The following TSPYL6 variants were observed in gnomAD, a reference collection of about 807,000 sequenced individuals.
TSPYL6 encodes TSPY like 6.
For synonymous variants in TSPYL6, 259 were observed against 214.8 expected, an observed-to-expected ratio of 1.21 and a Z score of -1.80; for missense variants, 699 against 531.5, an observed-to-expected ratio of 1.32 and a Z score of -3.10.
At position 54,255,671 on chromosome 2, in the gene TSPYL6, G is replaced by T; in HGVS notation, c.481C>A (p.Pro161Thr). ...TCGCCTCCTGGCTTCTCATCCACTGGGGCTGAGAACATGGCACACTCCTCA... is the reference window on the plus strand; with the variant it reads ...TCGCCTCCTGGCTTCTCATCCACTGTGGCTGAGAACATGGCACACTCCTCA... ...KPEECAMFSAPVDEKPGGEEM... is the reference protein window; with the variant it reads ...KPEECAMFSATVDEKPGGEEM... Residue 161 changes from proline (P) to threonine (T), a missense_variant, in exon 1 of 1, where the codon CCA (proline) becomes ACA (threonine). Pro to Thr is a conservative substitution (Grantham distance 38). Coordinates refer to ENST00000317802, the MANE Select transcript of TSPYL6 (RefSeq NM_001003937.3). The T allele has an allele frequency of 6.2e-7, 1 of 1,613,696 alleles. No individual in the cohort carries two copies.
At position 54,255,235 on chromosome 2, in the gene TSPYL6, T is replaced by C. The variant is rs1474159457; in HGVS notation, c.917A>G (p.Asn306Ser). The C allele has an allele frequency of 1.9e-6, 3 of 1,614,084 alleles. No homozygotes were observed. The highest frequency in any genetic ancestry group is 2.5e-6 in the Non-Finnish European group (3 of 1,180,048). Reference sequence around the variant, plus strand: ...CTCATACACCTTTACAATCAGCTTGTTTCTGAAGTAAGGGTTTCTTTGAAA... The same window carrying C: ...CTCATACACCTTTACAATCAGCTTGCTTCTGAAGTAAGGGTTTCTTTGAAA... ...FFFQRNPYFR[N>S]KLIVKVYEVR... Residue 306 changes from asparagine to serine, a missense_variant, in exon 1 of 1, where the codon AAC (asparagine) becomes AGC (serine). Coordinates refer to ENST00000317802, the MANE Select transcript of TSPYL6 (RefSeq NM_001003937.3).
chr2:54,255,189 C>G lies in TSPYL6; in HGVS notation c.963G>C (p.Val321=). ...ACATGATTAGAGTGGAAAAAGACAC[C>G]ACTTGGCCGAAGGATCTGACCTCAT... ...KVYEVRSFGQ[V]VSFSTLIMWR... is the part of the protein sequence containing the mutation. The change falls in exon 1 of 1, where the codon GTG becomes GTC. Residue 321 remains valine (V), a synonymous_variant. Coordinates refer to ENST00000317802, the MANE Select transcript of TSPYL6 (RefSeq NM_001003937.3). 6.2e-7 allele frequency: 1 copy of G among 1,614,202 alleles called. No individual in the cohort carries two copies. Among genetic ancestry groups the G allele is most frequent in the Non-Finnish European group, 8.5e-7 (1 of 1,180,050 alleles).
Position 54,256,203 on chromosome 2 carries a change from G to A in TSPYL6, c.-52C>T. On this transcript the variant is annotated 5_prime_UTR_variant, in exon 1 of 1. Coordinates refer to ENST00000317802, the MANE Select transcript of TSPYL6 (RefSeq NM_001003937.3). Reference sequence around the variant, plus strand: ...GTAGAGGCCAGGCCAGAGGTAGGTAGCGTCAACGTTCCTCACACAAAATGG... The same window carrying A: ...GTAGAGGCCAGGCCAGAGGTAGGTAACGTCAACGTTCCTCACACAAAATGG... 6.5e-7 allele frequency: 1 copy of A among 1,541,728 alleles called. No homozygotes were observed.
At position 54,254,975 on chromosome 2, in the gene TSPYL6, G is replaced by T. The variant is rs763659704; in HGVS notation, c.1177C>A (p.Arg393Ser). The T allele has an allele frequency of 1.2e-6, 2 of 1,613,930 alleles. No homozygotes were observed. Among genetic ancestry groups the T allele is most frequent in the Non-Finnish European group, 1.7e-6 (2 of 1,179,996 alleles). Reference protein sequence around the residue: ...LGEDAHRARRRLVREPVEIPR... With the variant: ...LGEDAHRARRSLVREPVEIPR... ...ATCTCCACTGGCTCCCTTACCAGGCGACGTCTAGCTCTATGGGCGTCTTCA... is the reference window on the plus strand; with the variant it reads ...ATCTCCACTGGCTCCCTTACCAGGCTACGTCTAGCTCTATGGGCGTCTTCA... Residue 393 changes from arginine to serine, a missense_variant, in exon 1 of 1, where the codon CGC becomes AGC. Arg to Ser is a moderately radical substitution (Grantham distance 110, BLOSUM62 -1). Coordinates refer to ENST00000317802, the MANE Select transcript of TSPYL6 (RefSeq NM_001003937.3).
Position 54,256,160 on chromosome 2 carries a change from C to T in TSPYL6, c.-9G>A, listed in dbSNP as rs1308888817. 16 of 1,605,276 alleles carry T rather than the reference C, an allele frequency of 1.0e-5. No individual in the cohort carries two copies. Among genetic ancestry groups the T allele is most frequent in the East Asian group, 2.2e-5 (1 of 44,794 alleles). On this transcript the variant is annotated 5_prime_UTR_variant, in exon 1 of 1. Transcript: ENST00000317802. ...CTCTCCGGGAGGCTCATGTTGGTAG[C>T]GGCCAGGGCAGCAGTGGGTAGAGGC...
chr2:54,255,234 G>A lies in TSPYL6; in HGVS notation c.918C>T (p.Asn306=), dbSNP rs1245768770. Residue 306 remains asparagine (N), a synonymous_variant, in exon 1 of 1, where the codon AAC becomes AAT. Transcript: ENST00000317802. ...CCTCATACACCTTTACAATCAGCTT[G>A]TTTCTGAAGTAAGGGTTTCTTTGAA... ...FFFQRNPYFR[N]KLIVKVYEVR... is the part of the protein sequence containing the mutation. The A allele has an allele frequency of 1.9e-6, 3 of 1,614,052 alleles. No individual in the cohort carries two copies. Among genetic ancestry groups the A allele is most frequent in the Middle Eastern group, 1.6e-4 (1 of 6,084 alleles).
At position 54,256,179 on chromosome 2, in the gene TSPYL6, T is replaced by G. The variant is rs765881472; in HGVS notation, c.-28A>C. 9.7e-5 allele frequency: 155 copies of G among 1,590,362 alleles called. No homozygotes were observed. The highest frequency in any genetic ancestry group is 1.2e-4 in the Non-Finnish European group (135 of 1,167,202). On this transcript the variant is annotated 5_prime_UTR_variant, in exon 1 of 1. Coordinates refer to ENST00000317802, the MANE Select transcript of TSPYL6 (RefSeq NM_001003937.3). ...TGGTAGCGGCCAGGGCAGCAGTGGG[T>G]AGAGGCCAGGCCAGAGGTAGGTAGC...
Position 54,255,613 on chromosome 2 carries a change from A to C in TSPYL6, c.539T>G (p.Ile180Arg). The C allele has an allele frequency of 1.2e-6, 2 of 1,612,636 alleles. No homozygotes were observed. Among genetic ancestry groups the C allele is most frequent in the Non-Finnish European group, 1.7e-6 (2 of 1,179,714 alleles). Residue 180 changes from isoleucine (I) to arginine (R), a missense_variant, in exon 1 of 1, where the codon ATA (isoleucine) becomes AGA (arginine). Physicochemically the swap from Ile to Arg is moderately conservative, Grantham distance 97. Transcript: ENST00000317802. ...EMDVAEENRAIDEVNREAGPG... is the reference protein window; with the variant it reads ...EMDVAEENRARDEVNREAGPG... Reference sequence around the variant, plus strand: ...CCCTGCCTCCCTGTTTACCTCATCTATTGCTCTGTTTTCTTCCGCCACGTC... The same window carrying C: ...CCCTGCCTCCCTGTTTACCTCATCTCTTGCTCTGTTTTCTTCCGCCACGTC...
rs756709256 is a variant in TSPYL6 at position 54,255,318 on chromosome 2, G to T, written c.834C>A (p.Thr278=). 6.2e-7 allele frequency: 1 copy of T among 1,614,104 alleles called. No individual in the cohort carries two copies. The highest frequency in any genetic ancestry group is 2.2e-5 in the East Asian group (1 of 44,872). ...GQDAEMLSYL[T]NLEVKELRHP... ...GTCTGAGCTCCTTCACTTCCAAATT[G>T]GTTAAGTAGCTTAACATCTCGGCAT... Residue 278 remains threonine, a synonymous_variant, in exon 1 of 1, where the codon ACC becomes ACA. Transcript: ENST00000317802.
chr2:54,254,836 GCATA>G lies in TSPYL6; in HGVS notation c.*79_*82del. On this transcript the variant is annotated 3_prime_UTR_variant, in exon 1 of 1. Transcript: ENST00000317802. ...AAAGTCAGAACAAAAAAAGTAAAGGGCATACCTAATGCTGTTGCCCAAGCTCAGG... is the reference window on the plus strand; with the variant it reads ...AAAGTCAGAACAAAAAAAGTAAAGGGCCTAATGCTGTTGCCCAAGCTCAGG... The G allele has an allele frequency of 3.7e-6, 5 of 1,356,400 alleles. No individual in the cohort carries two copies. The highest frequency in any genetic ancestry group is 4.0e-6 in the Non-Finnish European group (4 of 994,854). 84.0% of individuals were successfully genotyped at this position (1,356,400 alleles called of 1,614,324 possible).
At position 54,255,411 on chromosome 2, in the gene TSPYL6, A is replaced by T; in HGVS notation, c.741T>A (p.Asn247Lys). The change falls in exon 1 of 1, where the codon AAT becomes AAA. Residue 247 changes from asparagine to lysine, a missense_variant. Coordinates refer to ENST00000317802, the MANE Select transcript of TSPYL6 (RefSeq NM_001003937.3). ...YLEQRNDIIR[N>K]IPGFWVTAFR... ...AAGCAGTGACCCAGAAGCCCGGGAT[A>T]TTGCGAATGATGTCATTCCTCTGCT... The T allele has an allele frequency of 6.2e-7, 1 of 1,614,002 alleles. No individual in the cohort carries two copies. Among genetic ancestry groups the T allele is most frequent in the Middle Eastern group, 1.6e-4 (1 of 6,062 alleles).
Position 54,255,672 on chromosome 2 carries a change from G to A in TSPYL6, c.480C>T (p.Ala160=). The change falls in exon 1 of 1, where the codon GCC becomes GCT. Residue 160 remains alanine (A), a synonymous_variant. Coordinates refer to ENST00000317802, the MANE Select transcript of TSPYL6 (RefSeq NM_001003937.3). ...VKPEECAMFS[A]PVDEKPGGEE... ...CGCCTCCTGGCTTCTCATCCACTGGGGCTGAGAACATGGCACACTCCTCAG... is the reference window on the plus strand; with the variant it reads ...CGCCTCCTGGCTTCTCATCCACTGGAGCTGAGAACATGGCACACTCCTCAG... 1.2e-6 allele frequency: 2 copies of A among 1,613,706 alleles called. No homozygotes were observed. Among genetic ancestry groups the A allele is most frequent in the Non-Finnish European group, 1.7e-6 (2 of 1,180,006 alleles).
rs748191962 is a variant in TSPYL6 at position 54,255,009 on chromosome 2, G to A, written c.1143C>T (p.Tyr381=). The change falls in exon 1 of 1, where the codon TAC becomes TAT. Residue 381 remains tyrosine (Y), a synonymous_variant. Coordinates refer to ENST00000317802, the MANE Select transcript of TSPYL6 (RefSeq NM_001003937.3). Reference sequence around the variant, plus strand: ...CTCTATGGGCGTCTTCACCCAACAGGTAGTACTGCAGTGGATTTGACCAGA... The same window carrying A: ...CTCTATGGGCGTCTTCACCCAACAGATAGTACTGCAGTGGATTTGACCAGA... ...EDLWSNPLQY[Y]LLGEDAHRAR... 1.4e-5 allele frequency: 23 copies of A among 1,614,008 alleles called. No homozygotes were observed. Among genetic ancestry groups the A allele is most frequent in the Non-Finnish European group, 1.9e-5 (22 of 1,180,006 alleles).
Position 54,255,317 on chromosome 2 carries a change from T to C in TSPYL6, c.835A>G (p.Asn279Asp), listed in dbSNP as rs750879506. The change falls in exon 1 of 1, where the codon AAT becomes GAT. Residue 279 changes from asparagine (N) to aspartate (D), a missense_variant. By Grantham distance (23) the Asn-to-Asp change is conservative. Transcript: ENST00000317802. The stretch of plus-strand genomic sequence containing the variant: ...TGTCTGAGCTCCTTCACTTCCAAAT[T>C]GGTTAAGTAGCTTAACATCTCGGCA... ...QDAEMLSYLTNLEVKELRHPR... is the reference protein window; with the variant it reads ...QDAEMLSYLTDLEVKELRHPR... 4.3e-6 allele frequency: 7 copies of C among 1,614,066 alleles called. No homozygotes were observed. In the East Asian group the frequency reaches 1.1e-4, roughly 26 times the overall value.
In TSPYL6 at chr2:54,254,092, C is replaced by T. The variant is rs1687364050; in HGVS notation, c.*827G>A. The T allele has an allele frequency of 6.6e-6, 1 of 152,208 alleles. No homozygotes were observed. The highest frequency in any genetic ancestry group is 2.4e-5 in the African/African-American group (1 of 41,430). 9.4% of individuals were successfully genotyped at this position (152,208 alleles called of 1,614,324 possible). A position where few individuals can be genotyped will look rare whatever the true frequency, so the allele number is the denominator to read the frequency against. On this transcript the variant is annotated 3_prime_UTR_variant, in exon 1 of 1. Transcript: ENST00000317802. ...ATCCACTGGTTGTGGCTGAGAAAGC[C>T]TGGTACTTGTCAAGAACACCAACAT...
Position 54,254,810 on chromosome 2 carries a change from G to T in TSPYL6, c.*109C>A. ...CGGAAAGTTTAAACAGAGGGTACAG[G>T]AAAGTCAGAACAAAAAAAGTAAAGG... On this transcript the variant is annotated 3_prime_UTR_variant, in exon 1 of 1. Transcript: ENST00000317802. 3.6e-6 allele frequency: 4 copies of T among 1,110,878 alleles called. No homozygotes were observed. Among genetic ancestry groups the T allele is most frequent in the Non-Finnish European group, 5.1e-6 (4 of 781,088 alleles). 68.8% of individuals were successfully genotyped at this position (1,110,878 alleles called of 1,614,324 possible). A position where few individuals can be genotyped will look rare whatever the true frequency, so the allele number is the denominator to read the frequency against.
At position 54,253,536 on chromosome 2, in the gene TSPYL6, G is replaced by A. The variant is rs1687336407; in HGVS notation, c.*1383C>T. On this transcript the variant is annotated 3_prime_UTR_variant, in exon 1 of 1. Transcript: ENST00000317802. Reference sequence around the variant, plus strand: ...GTTTCTTCAAAGAACCCTTCTCTAGGGAACATATTTAACACTCCAACCATC... The same window carrying A: ...GTTTCTTCAAAGAACCCTTCTCTAGAGAACATATTTAACACTCCAACCATC... The A allele has an allele frequency of 6.6e-6, 1 of 152,032 alleles. No homozygotes were observed. The highest frequency in any genetic ancestry group is 1.5e-5 in the Non-Finnish European group (1 of 68,000). 9.4% of individuals were successfully genotyped at this position (152,032 alleles called of 1,614,324 possible). A position where few individuals can be genotyped will look rare whatever the true frequency, so the allele number is the denominator to read the frequency against.
At position 54,254,817 on chromosome 2, in the gene TSPYL6, A is replaced by T; in HGVS notation, c.*102T>A. On this transcript the variant is annotated 3_prime_UTR_variant, in exon 1 of 1. Coordinates refer to ENST00000317802, the MANE Select transcript of TSPYL6 (RefSeq NM_001003937.3). ...TTTAAACAGAGGGTACAGGAAAGTCAGAACAAAAAAAGTAAAGGGCATACC... is the reference window on the plus strand; with the variant it reads ...TTTAAACAGAGGGTACAGGAAAGTCTGAACAAAAAAAGTAAAGGGCATACC... The T allele has an allele frequency of 8.3e-7, 1 of 1,205,118 alleles. No homozygotes were observed. The highest frequency in any genetic ancestry group is 1.2e-6 in the Non-Finnish European group (1 of 865,132). The allele number at this position is 1,205,118 out of a possible 1,614,324, so 74.7% of individuals were successfully genotyped here.
At position 54,255,840 on chromosome 2, in the gene TSPYL6, C is replaced by A. The variant is rs114346583; in HGVS notation, c.312G>T (p.Ser104=). The A allele has an allele frequency of 1.2e-3, 1,982 of 1,613,926 alleles. 2 individuals carry two copies. Among genetic ancestry groups the A allele is most frequent in the Middle Eastern group, 6.9e-3 (42 of 6,060 alleles). Residue 104 remains serine, a synonymous_variant, in exon 1 of 1, where the codon TCG becomes TCT. Coordinates refer to ENST00000317802, the MANE Select transcript of TSPYL6 (RefSeq NM_001003937.3). The part of the protein sequence containing the change: ...PAEGLEAASA[S]LTTDGSLKNG... ...TTTTGAGGCTGCCGTCAGTTGTCAG[C>A]GAGGCAGAGGCCGCTTCTAGGCCCT...
Sources: gnomAD v4.1 joint callset for allele counts on GRCh38, gnomAD v4.1.1 for gene constraint, MANE v1.5 for transcripts, NCBI Gene and HGNC (gene_info 2026-07-23, HGNC 2026-07-21) for gene names.